Variants in SPINK5 observed in about 807,000 individuals in gnomAD.
The protein encoded by SPINK5 is serine peptidase inhibitor Kazal type 5, also known as serine protease inhibitor Kazal-type 5.
In SPINK5, 125 loss-of-function variants were observed where a neutral mutation model predicts 151.8. That is an observed-to-expected ratio of 0.82 (90% CI 0.71 to 0.96). SPINK5 has a LOEUF of 0.96. Ranked by LOEUF, SPINK5 falls within the 40% of genes least tolerant of loss-of-function variation. The probability of loss-of-function intolerance (pLI) is 0.00; values close to 1 mark genes in which losing one functional copy is unlikely to be tolerated. For missense variants in SPINK5, 1,194 were observed against 1,291.9 expected, an observed-to-expected ratio of 0.92 and a Z score of 1.16; for synonymous variants, 374 against 395.3, an observed-to-expected ratio of 0.95 and a Z score of 0.64.
At chr5:148,136,889 A>G (rs1201706387) in intron 32 of SPINK5, 94 bp from the exon 33 acceptor site, 2 of 1,481,234 alleles carry the variant, frequency 1.4e-6, no homozygotes, top group Admixed American at 1.7e-5. Context: ...GGATCTATGG[A>G]TTTCTTTGAT....
chr5:148,088,734 T>G, intron 6 of SPINK5, 129 bp downstream of exon 6: 2 of 864,004 alleles, frequency 2.3e-6, no homozygotes, highest in Non-Finnish European at 3.8e-6. Context: ...TGAAATGGAA[T>G]ACCCAGTACT....
At chr5:148,069,758 TG>T (rs1752690525) in intron 2 of SPINK5, among the ~76,000 whole-genome samples, 1 of 152,160 alleles carries the variant, frequency 6.6e-6, no homozygotes, top group African/African-American at 2.4e-5. Flanking sequence ...AGTCTGCCTG[TG>T]CTCATAAGTC....
At chr5:148,109,308 A>T (rs1753860262) in intron 18 of SPINK5, among the ~76,000 whole-genome samples, 1 of 152,158 alleles carries the variant, frequency 6.6e-6, no homozygotes, top group Non-Finnish European at 1.5e-5. Flanking sequence ...TGGTGATAAC[A>T]ATGATAATTG....
intron 22 of SPINK5, 103 bp downstream of exon 22, chr5:148,116,569 T>G: frequency 2.6e-6 from 3 of 1,157,098 alleles, no homozygotes; most frequent in Non-Finnish European, 3.9e-6. Flanking sequence ...TGCTAAGTCC[T>G]TGAGAGAACA....
At chr5:148,090,170 T>C (rs1561682609) in intron 7 of SPINK5, among the ~76,000 whole-genome samples, 1 of 151,938 alleles carries the variant, frequency 6.6e-6, no homozygotes, top group East Asian at 1.9e-4. Context: ...CAGATGTGGA[T>C]AAGATCTAAT....
intron 4 of SPINK5, among the ~76,000 whole-genome samples, chr5:148,081,744 G>T (rs1753026763): frequency 6.6e-6 from 1 of 151,564 alleles, no homozygotes. Context: ...CTTTCAATGG[G>T]TGAATTTTAT....
chr5:148,107,275 G>C (rs563704281), intron 17 of SPINK5, 111 bp downstream of exon 17: 1 of 1,481,538 alleles, frequency 6.7e-7, no homozygotes, highest in African/African-American at 1.4e-5. Flanking sequence ...ATATTAGAAA[G>C]GTTTACAAGC....
chr5:148,088,491 TG>T, intron 5 of SPINK5, 50 bp from the exon 6 acceptor site: 1 of 1,529,732 alleles, frequency 6.5e-7, no homozygotes, highest in Non-Finnish European at 9.0e-7. Flanking sequence ...GTTTGAATGG[TG>T]GGAAGTTCTG....
intron 4 of SPINK5, among the ~76,000 whole-genome samples, chr5:148,077,918 C>A (rs1752926010): frequency 6.6e-6 from 1 of 150,770 alleles, no homozygotes; most frequent in African/African-American, 2.4e-5. Context: ...AAGACAAAAG[C>A]ATATTGAAAA....
Position 148,108,619 on chromosome 5 carries a change from C to T in SPINK5, c.1608-134C>T, listed in dbSNP as rs1306393387. The T allele has an allele frequency of 3.9e-6, 5 of 1,290,056 alleles. No individual in the cohort carries two copies. The African/African-American group carries it at 7.5e-5, about 19-fold the overall frequency. The allele number at this position is 1,290,056 out of a possible 1,614,324, so 79.9% of individuals were successfully genotyped here. A position where few individuals can be genotyped will look rare whatever the true frequency, so the allele number is the denominator to read the frequency against. On this transcript the variant is annotated intron_variant, in intron 17 of 32. Coordinates refer to ENST00000256084, the MANE Select transcript of SPINK5 (RefSeq NM_006846.4). ...GTACTATTGGTTAAAGCAAAAGCACCTCTCAGACTAGATAAATTTGTATTG... is the reference window on the plus strand; with the variant it reads ...GTACTATTGGTTAAAGCAAAAGCACTTCTCAGACTAGATAAATTTGTATTG...
chr5:148,121,122 C>A (rs550188190), intron 26 of SPINK5, among the ~76,000 whole-genome samples: 2 of 111,284 alleles, frequency 1.8e-5, no homozygotes, highest in East Asian at 5.9e-4. Flanking sequence ...CCAGCCTGGG[C>A]GACAGAGCAA....
chr5:148,064,103 A>T lies in SPINK5; in HGVS notation c.55+4A>T. ...TTGGCTCTTTGCCTCATACAAGGTG[A>T]GCAATTTGTGTGTAATCTAAGCCTC... is the stretch of plus-strand genomic sequence containing the variant. On this transcript the variant is annotated splice_donor_region_variant and intron_variant, in intron 1 of 32. Transcript: ENST00000256084. 6.2e-7 allele frequency: 1 copy of T among 1,614,106 alleles called. No homozygotes were observed. The highest frequency in any genetic ancestry group is 2.2e-5 in the East Asian group (1 of 44,872).
chr5:148,114,072 C>A (rs540691391), intron 20 of SPINK5, among the ~76,000 whole-genome samples: 9 of 152,148 alleles, frequency 5.9e-5, no homozygotes, highest in African/African-American at 2.2e-4. Flanking sequence ...CAATTTCTCA[C>A]GTAACCCTAA....
intron 8 of SPINK5, 147 bp from the exon 9 acceptor site, chr5:148,094,207 G>A (rs1387124161): frequency 2.5e-6 from 2 of 807,342 alleles, no homozygotes; most frequent in East Asian, 5.8e-5. Context: ...GAGGTGGAAG[G>A]ATCTCTGAGC....
chr5:148,067,840 T>C (rs1752624721), intron 2 of SPINK5, among the ~76,000 whole-genome samples: 1 of 152,098 alleles, frequency 6.6e-6, no homozygotes, highest in South Asian at 2.1e-4. Context: ...ATCTTGAACT[T>C]CTGGCTTCAA....
At chr5:148,103,809 A>G (rs1002589459) in intron 15 of SPINK5, among the ~76,000 whole-genome samples, 5 of 152,202 alleles carry the variant, frequency 3.3e-5, no homozygotes, top group Non-Finnish European at 7.4e-5. Flanking sequence ...AATTTTTAAA[A>G]AAGTTTTAGT....
chr5:148,121,353 C>T (rs6580524), intron 26 of SPINK5, among the ~76,000 whole-genome samples: 82,005 of 151,270 alleles, frequency 0.54, 23,377 homozygotes, highest in Admixed American at 0.64. Flanking sequence ...AGATAAATAG[C>T]GAAATTTCCC....
chr5:148,078,804 G>A (rs1281532464), intron 4 of SPINK5, among the ~76,000 whole-genome samples: 1 of 150,520 alleles, frequency 6.6e-6, no homozygotes. Context: ...AGATTTAAAT[G>A]GCTTAATCAG....
At chr5:148,067,574 A>T (rs971432850) in intron 2 of SPINK5, among the ~76,000 whole-genome samples, 1 of 152,110 alleles carries the variant, frequency 6.6e-6, no homozygotes, top group Non-Finnish European at 1.5e-5. Context: ...TTCCCAAGAG[A>T]ATACATTGGA....
Sources: gnomAD v4.1 joint callset for allele counts (sites outside exome capture counted in the v4.1 genomes callset) on GRCh38, gnomAD v4.1.1 for gene constraint, MANE v1.5 for transcripts, NCBI Gene and HGNC (gene_info 2026-07-23, HGNC 2026-07-21) for gene names.